Variants in RCBTB2 observed in about 807,000 individuals in gnomAD.
The protein encoded by RCBTB2 is RCC1 and BTB domain-containing protein 2.
In RCBTB2, 55 loss-of-function variants were observed where a neutral mutation model predicts 65.4. That is an observed-to-expected ratio of 0.84 (90% confidence interval 0.68 to 1.05). The LOEUF is 1.05. RCBTB2 is among the 50% of genes least tolerant of loss of function. The probability of loss-of-function intolerance (pLI) is 0.00; values close to 1 mark genes in which losing one functional copy is unlikely to be tolerated. For synonymous variants in RCBTB2, 220 were observed against 255.2 expected (o/e 0.86, Z 1.31); for missense variants, 599 against 680.1 (o/e 0.88, Z 1.33).
At chr13:48,518,741 T>C (rs1951246740) in intron 4 of RCBTB2, among the ~76,000 whole-genome samples, 1 of 151,956 alleles carries the variant, frequency 6.6e-6, no homozygotes, top group Non-Finnish European at 1.5e-5. Context: ...TGACACTTGG[T>C]TTACTGAAAA....
chr13:48,493,315 A>ACACACACACTCTCT (rs759504798), intron 14 of RCBTB2, among the ~76,000 whole-genome samples: 18 of 75,082 alleles, frequency 2.4e-4, no homozygotes, highest in African/African-American at 9.6e-4. Flanking sequence ...ACACACACAC[A>ACACACACACTCTCT]CTCTCTCTCT....
intron 6 of RCBTB2, 31 bp downstream of exon 6, chr13:48,515,174 G>A (rs745636711): frequency 3.8e-5 from 61 of 1,598,076 alleles, no homozygotes; most frequent in Non-Finnish European, 4.8e-5. Context: ...TGCGAATAAA[G>A]CTGAAATTCT....
chr13:48,510,557 C>G, intron 10 of RCBTB2, 72 bp downstream of exon 10: 1 of 1,487,572 alleles, frequency 6.7e-7, no homozygotes. Context: ...CCACCATTCT[C>G]TATATATCTA....
At chr13:48,498,925 C>T (rs1027048352) in intron 13 of RCBTB2, among the ~76,000 whole-genome samples, 2 of 152,078 alleles carry the variant, frequency 1.3e-5, no homozygotes, top group Non-Finnish European at 2.9e-5. Context: ...CAACAAATCC[C>T]ATCAGCAACC....
At chr13:48,503,266 T>C (rs1356290171) in intron 10 of RCBTB2, among the ~76,000 whole-genome samples, 1 of 152,128 alleles carries the variant, frequency 6.6e-6, no homozygotes, top group African/African-American at 2.4e-5. Flanking sequence ...AAAAGGGTGG[T>C]TTAAAATTTT....
chr13:48,522,793 C>A (rs1281076549), intron 2 of RCBTB2, among the ~76,000 whole-genome samples: 20 of 152,148 alleles, frequency 1.3e-4, no homozygotes. Flanking sequence ...TCTATTATTT[C>A]AGGTACTAAC....
chr13:48,513,160 C>T (rs1047322164), intron 6 of RCBTB2, among the ~76,000 whole-genome samples: 2 of 152,136 alleles, frequency 1.3e-5, no homozygotes, highest in Non-Finnish European at 2.9e-5. Flanking sequence ...AGAGAAAAGG[C>T]TGCTGGGAGT....
At chr13:48,493,891 C>T (rs184834507) in intron 14 of RCBTB2, among the ~76,000 whole-genome samples, 115 of 152,206 alleles carry the variant, frequency 7.6e-4, no homozygotes, top group African/African-American at 2.7e-3. Flanking sequence ...TGTTCATTTG[C>T]AGTACCCCAG....
chr13:48,499,168 T>TCTCTCA (rs1555299754), intron 13 of RCBTB2, among the ~76,000 whole-genome samples: 11 of 137,928 alleles, frequency 8.0e-5, no homozygotes, highest in African/African-American at 2.9e-4. Flanking sequence ...TCTCTCTCTC[T>TCTCTCA]CACACACACA....
chr13:48,511,087 A>G (rs1950766718), intron 9 of RCBTB2, among the ~76,000 whole-genome samples: 1 of 152,180 alleles, frequency 6.6e-6, no homozygotes, highest in South Asian at 2.1e-4. Flanking sequence ...TTTGATTATA[A>G]AAGTAAAACA....
At chr13:48,531,378 T>C (rs768897121) in intron 1 of RCBTB2, among the ~76,000 whole-genome samples, 4 of 152,208 alleles carry the variant, frequency 2.6e-5, no homozygotes, top group African/African-American at 4.8e-5. Flanking sequence ...CCCTTACAAA[T>C]ATATAATATC....
intron 4 of RCBTB2, among the ~76,000 whole-genome samples, chr13:48,517,399 G>A (rs9331981): frequency 0.016 from 2,443 of 152,156 alleles, 61 homozygotes; most frequent in African/African-American, 0.055. Context: ...AAGCCATTCC[G>A]AAAACTGGGC....
chr13:48,490,956 T>C (rs577588633), intron 14 of RCBTB2, among the ~76,000 whole-genome samples: 33 of 152,296 alleles, frequency 2.2e-4, no homozygotes, highest in Admixed American at 1.0e-3. Context: ...TGATTAGAAC[T>C]ATAACTTGAA....
intron 13 of RCBTB2, among the ~76,000 whole-genome samples, chr13:48,498,988 C>CA (rs1375833854): frequency 1.3e-5 from 2 of 151,988 alleles, no homozygotes; most frequent in African/African-American, 2.4e-5. Context: ...CACTGCTATA[C>CA]AACCCCAACC....
At chr13:48,519,759 G>A (rs1951316584) in intron 4 of RCBTB2, among the ~76,000 whole-genome samples, 2 of 152,096 alleles carry the variant, frequency 1.3e-5, no homozygotes, top group Admixed American at 1.3e-4. Context: ...TTTAATTTCT[G>A]GCAGAAGGCT....
At chr13:48,507,060 C>T (rs1204452941) in intron 10 of RCBTB2, among the ~76,000 whole-genome samples, 1 of 152,214 alleles carries the variant, frequency 6.6e-6, no homozygotes, top group Non-Finnish European at 1.5e-5. Context: ...GGACACTACT[C>T]TCTAGAGAAG....
chr13:48,516,724 C>G (rs373380665), intron 4 of RCBTB2, among the ~76,000 whole-genome samples: 1 of 152,098 alleles, frequency 6.6e-6, no homozygotes, highest in South Asian at 2.1e-4. Flanking sequence ...CACAATTAAC[C>G]CCCTAACAGC....
At chr13:48,532,760 CGCA>C (rs1952231044) in intron 1 of RCBTB2, 2 of 307,462 alleles carry the variant, frequency 6.5e-6, no homozygotes, top group Non-Finnish European at 1.3e-5. Context: ...ATTGCGCATG[CGCA>C]GGGCCGCCTC....
chr13:48,500,401 T>C (rs1192867720), intron 12 of RCBTB2, among the ~76,000 whole-genome samples: 1 of 151,914 alleles, frequency 6.6e-6, no homozygotes, highest in Non-Finnish European at 1.5e-5. Flanking sequence ...CTACTAAAAA[T>C]ACAAAAATTA....
Sources: allele counts gnomAD v4.1 joint callset (sites outside exome capture counted in the v4.1 genomes callset), GRCh38; gene constraint gnomAD v4.1.1; transcripts MANE v1.5; gene names NCBI Gene and HGNC (gene_info 2026-07-23, HGNC 2026-07-21).